SAP30BP: variants seen among roughly 807,000 people sequenced by gnomAD.
SAP30BP encodes SAP30-binding protein.
SAP30BP carries 31 observed loss-of-function variants against 46.3 expected under a neutral mutation model. That is an observed-to-expected ratio of 0.67 (90% CI 0.50 to 0.90). The LOEUF (loss-of-function observed/expected upper bound fraction) is 0.90, where lower values mean the gene tolerates loss of function less well. Among genes scored for constraint, SAP30BP ranks in the 40% least tolerant of loss-of-function variants. The pLI, the probability that SAP30BP is intolerant of heterozygous loss-of-function variation, is 0.00. For synonymous variants in SAP30BP, 169 were observed against 144.2 expected (o/e 1.17, Z -1.23); for missense variants, 312 against 391.0 (o/e 0.80, Z 1.70).
At chr17:75,689,556 C>T (rs1009964524) in intron 3 of SAP30BP, among the ~76,000 whole-genome samples, 1 of 152,194 alleles carries the variant, frequency 6.6e-6, no homozygotes, top group African/African-American at 2.4e-5. Flanking sequence ...TGTTGTTGCT[C>T]ATGTCTCTGG....
chr17:75,706,866 C>A lies in SAP30BP; in HGVS notation c.*345C>A. On this transcript the variant is annotated 3_prime_UTR_variant, in exon 11 of 11. Transcript: ENST00000584667. This position sits in a 1 kb window ranked among gnomAD's most constrained non-coding sequence, Gnocchi z 4.6. Reference sequence around the variant, plus strand: ...ATAGTCTTGGTTGGGACTATTGCCTCAGGGTTGACAACAGGGTGATGGAGG... The same window carrying A: ...ATAGTCTTGGTTGGGACTATTGCCTAAGGGTTGACAACAGGGTGATGGAGG... 1 of 285,058 alleles carries A rather than the reference C, an allele frequency of 3.5e-6. No individual in the cohort carries two copies. The highest frequency in any genetic ancestry group is 6.7e-6 in the Non-Finnish European group (1 of 149,754). The allele number at this position is 285,058 out of a possible 1,614,324, so 17.7% of individuals were successfully genotyped here. A position where few individuals can be genotyped will look rare whatever the true frequency, so the allele number is the denominator to read the frequency against.
intron 4 of SAP30BP, among the ~76,000 whole-genome samples, chr17:75,699,576 C>T (rs2060375651): frequency 6.6e-6 from 1 of 152,134 alleles, no homozygotes; most frequent in Non-Finnish European, 1.5e-5. Context: ...CTTTTCTTCT[C>T]CCAAGCTGGC....
chr17:75,685,615 G>A (rs935715786), intron 3 of SAP30BP, among the ~76,000 whole-genome samples: 6 of 152,164 alleles, frequency 3.9e-5, no homozygotes, highest in Non-Finnish European at 7.4e-5. Flanking sequence ...TTGTAATTTG[G>A]TAGCCATGTA....
At chr17:75,705,977 T>A in intron 9 of SAP30BP, 31 bp from the exon 10 acceptor site, 2 of 1,610,244 alleles carry the variant, frequency 1.2e-6, no homozygotes, top group Non-Finnish European at 1.7e-6. Context: ...CAGCTTTGCC[T>A]GGTCTTATTC....
At position 75,706,525 on chromosome 17, in the gene SAP30BP, G is replaced by A. The variant is rs200431565; in HGVS notation, c.*4G>A. 6.2e-6 allele frequency: 10 copies of A among 1,613,716 alleles called. No individual in the cohort carries two copies. The highest frequency in any genetic ancestry group is 8.5e-6 in the Non-Finnish European group (10 of 1,179,806). On this transcript the variant is annotated 3_prime_UTR_variant, in exon 11 of 11. Coordinates refer to ENST00000584667, the MANE Select transcript of SAP30BP (RefSeq NM_013260.8). This position sits in a 1 kb window ranked among gnomAD's most constrained non-coding sequence, Gnocchi z 4.6. ...TGTGAAGAAGGCCAAGCAGTGACCT[G>A]AGGGGCCACCCTAGGACTTGAAAGG...
intron 3 of SAP30BP, among the ~76,000 whole-genome samples, chr17:75,687,917 GGT>G (rs68006166): frequency 1.1e-3 from 134 of 120,364 alleles, no homozygotes; most frequent in African/African-American, 3.7e-3. Flanking sequence ...CAGTGTTTGG[GGT>G]GTGTGTGTGT....
At chr17:75,669,741 C>T (rs1303445992) in intron 2 of SAP30BP, among the ~76,000 whole-genome samples, 4 of 152,086 alleles carry the variant, frequency 2.6e-5, no homozygotes, top group Non-Finnish European at 5.9e-5. Context: ...TAATGGTGCC[C>T]TTAGTTCTTG....
At chr17:75,703,659 G>C (rs951367482) in intron 7 of SAP30BP, 149 bp from the exon 8 acceptor site, 6 of 753,830 alleles carry the variant, frequency 8.0e-6, no homozygotes, top group Non-Finnish European at 1.4e-5. Flanking sequence ...TTCAGCACTT[G>C]CCAGCCGCCC....
At chr17:75,686,061 GC>G (rs1368118518) in intron 3 of SAP30BP, among the ~76,000 whole-genome samples, 1 of 152,220 alleles carries the variant, frequency 6.6e-6, no homozygotes, top group Non-Finnish European at 1.5e-5. Context: ...AACATCAGGA[GC>G]CGTGCTGAGT....
At chr17:75,671,929 TC>T (rs2059913732) in intron 3 of SAP30BP, 66 bp downstream of exon 3, 2 of 1,273,392 alleles carry the variant, frequency 1.6e-6, no homozygotes, top group African/African-American at 2.9e-5. Context: ...GTGGCTCAGT[TC>T]GTATGTTTGG....
chr17:75,684,640 A>G (rs1367850662), intron 3 of SAP30BP: 2 of 152,166 alleles, frequency 1.3e-5, no homozygotes, highest in East Asian at 1.9e-4. Flanking sequence ...CTTTTCCTCA[A>G]CAACACTAGG....
At chr17:75,680,556 C>T (rs1383140853) in intron 3 of SAP30BP, among the ~76,000 whole-genome samples, 1 of 152,118 alleles carries the variant, frequency 6.6e-6, no homozygotes, top group Non-Finnish European at 1.5e-5. Flanking sequence ...GTGACTGCGG[C>T]GTGAGAGAAT....
chr17:75,683,218 A>AT (rs890596498), intron 3 of SAP30BP, among the ~76,000 whole-genome samples: 5 of 149,622 alleles, frequency 3.3e-5, no homozygotes, highest in African/African-American at 9.8e-5. Context: ...CAATTTTTGT[A>AT]TTTTTTTTAG....
chr17:75,671,685 TA>T (rs2059909895), intron 2 of SAP30BP, 130 bp from the exon 3 acceptor site: 2 of 717,240 alleles, frequency 2.8e-6, no homozygotes, highest in Non-Finnish European at 5.1e-6. Flanking sequence ...AGTTATATGG[TA>T]GGGGAGGGAT....
At chr17:75,677,131 ACACT>A in intron 3 of SAP30BP, among the ~76,000 whole-genome samples, 1 of 121,364 alleles carries the variant, frequency 8.2e-6, no homozygotes, top group South Asian at 2.7e-4. Context: ...TTTTTTTGAG[ACACT>A]CACTCTGTTG....
chr17:75,672,636 G>A (rs1035721534), intron 3 of SAP30BP, among the ~76,000 whole-genome samples: 2 of 152,074 alleles, frequency 1.3e-5, no homozygotes, highest in Admixed American at 6.5e-5. Context: ...TCTAGACCCG[G>A]GGAATAAGGA....
intron 4 of SAP30BP, among the ~76,000 whole-genome samples, chr17:75,695,557 A>C (rs1235120475): frequency 6.6e-6 from 1 of 152,108 alleles, no homozygotes; most frequent in African/African-American, 2.4e-5. Context: ...CGTTTTGATT[A>C]CTCACCATTC....
At position 75,706,099 on chromosome 17, in the gene SAP30BP, T is replaced by C. The variant is rs748500473; in HGVS notation, c.745+7T>C. ...GCCAGCACAGCTGTTGCAGGTAGAT[T>C]GCAGAGCTGCCCTGCCTCCTGCCAC... On this transcript the variant is annotated splice_region_variant and intron_variant, in intron 10 of 10. Coordinates refer to ENST00000584667, the MANE Select transcript of SAP30BP (RefSeq NM_013260.8). This position sits in a 1 kb window ranked among gnomAD's most constrained non-coding sequence, Gnocchi z 4.6. 36 of 1,609,122 alleles carry C rather than the reference T, an allele frequency of 2.2e-5. No homozygotes were observed. The highest frequency in any genetic ancestry group is 2.8e-5 in the Non-Finnish European group (33 of 1,177,976).
At chr17:75,697,218 G>T (rs902496050) in intron 4 of SAP30BP, among the ~76,000 whole-genome samples, 6 of 152,230 alleles carry the variant, frequency 3.9e-5, no homozygotes, top group Admixed American at 3.9e-4. Flanking sequence ...GCACAGATAG[G>T]TTCTCTCCAG....
Sources: gnomAD v4.1 joint callset for allele counts (sites outside exome capture counted in the v4.1 genomes callset) on GRCh38, gnomAD v4.1.1 for gene constraint, Gnocchi (gnomAD v3.1) non-coding constraint, MANE v1.5 for transcripts, NCBI Gene and HGNC (gene_info 2026-07-23, HGNC 2026-07-21) for gene names.